CRMP1: variants seen among roughly 807,000 people sequenced by gnomAD.
The protein encoded by CRMP1 is dihydropyrimidinase-related protein 1.
Under a neutral mutation model 68.3 loss-of-function variants are expected in CRMP1, and 19 were observed. The observed-to-expected ratio is 0.28, with a 90% CI of 0.19 to 0.41. The LOEUF (loss-of-function observed/expected upper bound fraction) is 0.41. Ranked by LOEUF, CRMP1 falls within the 10% of genes least tolerant of loss-of-function variation. The pLI is 1.00. For missense variants in CRMP1, 791 were observed against 967.4 expected (o/e 0.82, Z 2.42); for synonymous variants, 439 against 399.6 (o/e 1.10, Z -1.18).
In CRMP1 at chr4:5,877,355, A is replaced by G. The variant is rs73065512; in HGVS notation, c.382-10599T>C. 6.5e-4 allele frequency among the ~76,000 whole-genome samples: 99 copies of G among 152,340 alleles called. No homozygotes were observed. The highest frequency in any genetic ancestry group is 2.0e-3 in the African/African-American group (82 of 41,574). On this transcript the variant is annotated intron_variant, in intron 1 of 13. Transcript: ENST00000324989. This position sits in a 1 kb window ranked among gnomAD's most constrained non-coding sequence, Gnocchi z 4.3. ...TGCTGGGAGCCACAGGGGTTGCTGC[A>G]TAAGAGGTTTTATAGCTCAAATACG... is the stretch of plus-strand genomic sequence containing the variant.
intron 10 of CRMP1, 142 bp downstream of exon 10, chr4:5,836,623 C>T (rs916343804): frequency 1.7e-6 from 2 of 1,175,166 alleles, no homozygotes; most frequent in African/African-American, 3.0e-5. Flanking sequence ...GTTATGCGTT[C>T]CCTCCTGCGC....
At chr4:5,864,761 C>G (rs561400534) in intron 2 of CRMP1, among the ~76,000 whole-genome samples, 2 of 152,098 alleles carry the variant, frequency 1.3e-5, no homozygotes, top group East Asian at 3.9e-4. Flanking sequence ...GAGGGGAAGG[C>G]AGAGGGACAG....
At chr4:5,822,571 C>T (rs1718828595) in intron 13 of CRMP1, among the ~76,000 whole-genome samples, 1 of 151,978 alleles carries the variant, frequency 6.6e-6, no homozygotes, top group South Asian at 2.1e-4. Context: ...TACCTATTCT[C>T]TTGCATAAAG....
Position 5,890,098 on chromosome 4 carries a change from T to C in CRMP1, c.381+2491A>G, listed in dbSNP as rs1424889900. On this transcript the variant is annotated intron_variant, in intron 1 of 13. Coordinates refer to ENST00000324989, the MANE Select transcript of CRMP1 (RefSeq NM_001014809.3). The surrounding 1 kb of genome is among the most constrained non-coding windows in gnomAD (Gnocchi z 5.5). ...CTCTCAGCGGGGCCTAAAATCCCTG[T>C]CAATGACCGGAAATTGCAGATGGGG... 1.1e-5 allele frequency: 3 copies of C among 266,204 alleles called. No homozygotes were observed. In the East Asian group the frequency reaches 3.2e-4, roughly 28 times the overall value. 16.5% of individuals were successfully genotyped at this position (266,204 alleles called of 1,614,324 possible). A position where few individuals can be genotyped will look rare whatever the true frequency, so the allele number is the denominator to read the frequency against.
chr4:5,891,414 C>A lies in CRMP1; in HGVS notation c.381+1175G>T, dbSNP rs1305589483. ...GCTTCCCTCCAGGCTCACTTTGGGT[C>A]ACTCATAGCATTTAAGAGGGGAAGG... On this transcript the variant is annotated intron_variant, in intron 1 of 13. Coordinates refer to ENST00000324989, the MANE Select transcript of CRMP1 (RefSeq NM_001014809.3). The surrounding 1 kb of genome is among the most constrained non-coding windows in gnomAD (Gnocchi z 5.2). 2.0e-5 allele frequency among the ~76,000 whole-genome samples: 3 copies of A among 152,192 alleles called. No individual in the cohort carries two copies. The highest frequency in any genetic ancestry group is 7.2e-5 in the African/African-American group (3 of 41,452).
rs1410582993 is a variant in CRMP1, at chr4:5,828,620, G to A, written c.1672C>T (p.Leu558=). ...FEGMECHGSP[L]VVISQGKIVF... ...ATCTTGCCCTGGCTGATGACCACTA[G>A]TGGGGAGCCGTGGCACTCCATACCC... is the stretch of plus-strand genomic sequence containing the variant. The change falls in exon 12 of 14, where the codon CTA becomes TTA. Residue 558 remains leucine (L), a synonymous_variant. Coordinates refer to ENST00000324989, the MANE Select transcript of CRMP1 (RefSeq NM_001014809.3). The A allele has an allele frequency of 3.1e-6, 5 of 1,614,228 alleles. No homozygotes were observed. The highest frequency in any genetic ancestry group is 3.3e-5 in the Admixed American group (2 of 60,030).
intron 1 of CRMP1, chr4:5,887,553 C>T: frequency 1.0e-6 from 1 of 985,178 alleles, no homozygotes; most frequent in Non-Finnish European, 1.2e-6. Context: ...CACCCAGGGA[C>T]GCAGCCCGGC....
intron 11 of CRMP1, among the ~76,000 whole-genome samples, chr4:5,831,809 C>T (rs78576712): frequency 0.046 from 7,034 of 152,256 alleles, 277 homozygotes; most frequent in African/African-American, 0.11. Context: ...AACATACAAA[C>T]AATGTAAAAA....
chr4:5,887,819 G>A (rs1311502076), intron 1 of CRMP1: 2 of 994,794 alleles, frequency 2.0e-6, no homozygotes, highest in East Asian at 1.1e-4. Flanking sequence ...TGCATGGGCC[G>A]GACGGTGCGG....
intron 12 of CRMP1, chr4:5,826,071 C>CA (rs1323371220): frequency 9.1e-5 from 24 of 262,738 alleles, no homozygotes; most frequent in Middle Eastern, 2.5e-3. Flanking sequence ...TATACACATG[C>CA]ATACATGCCC....
At chr4:5,837,650 T>TAAAATAAAATA (rs1553903977) in intron 9 of CRMP1, among the ~76,000 whole-genome samples, 2 of 134,822 alleles carry the variant, frequency 1.5e-5, no homozygotes, top group Non-Finnish European at 3.1e-5. Flanking sequence ...TAAAATAAAA[T>TAAAATAAAATA]AATAAAATAA....
chr4:5,855,011 A>G lies in CRMP1; in HGVS notation c.820+1132T>C, dbSNP rs1423566929. ...ATGCCCAATAAAAAGAAAATAGCTA[A>G]GCAAATTAACCATTATATTATACAT... is the stretch of plus-strand genomic sequence containing the variant. On this transcript the variant is annotated intron_variant, in intron 4 of 13. Coordinates refer to ENST00000324989, the MANE Select transcript of CRMP1 (RefSeq NM_001014809.3). The surrounding 1 kb of genome is among the most constrained non-coding windows in gnomAD (Gnocchi z 4.9). 6.6e-6 allele frequency among the ~76,000 whole-genome samples: 1 copy of G among 152,250 alleles called. No individual in the cohort carries two copies. The highest frequency in any genetic ancestry group is 1.5e-5 in the Non-Finnish European group (1 of 68,044).
rs1488573125 is a variant in CRMP1, at chr4:5,841,165, C to A, written c.1153+143G>T. 2 of 1,238,882 alleles carry A rather than the reference C, an allele frequency of 1.6e-6. No homozygotes were observed. Among genetic ancestry groups the A allele is most frequent in the East Asian group, 4.7e-5 (2 of 42,894 alleles). The allele number at this position is 1,238,882 out of a possible 1,614,324, so 76.7% of individuals were successfully genotyped here. On this transcript the variant is annotated intron_variant, in intron 8 of 13. Transcript: ENST00000324989. This position sits in a 1 kb window ranked among gnomAD's most constrained non-coding sequence, Gnocchi z 6.9. ...ATTGGGACCAAAGAATTCCAGCCACCATCCTTGTGTCAGGAGCATCCCCGC... is the reference window on the plus strand; with the variant it reads ...ATTGGGACCAAAGAATTCCAGCCACAATCCTTGTGTCAGGAGCATCCCCGC...
At chr4:5,848,906 G>T (rs1457143431) in intron 6 of CRMP1, among the ~76,000 whole-genome samples, 1 of 152,060 alleles carries the variant, frequency 6.6e-6, no homozygotes, top group East Asian at 1.9e-4. Flanking sequence ...CCTCCCTAAG[G>T]CCTCACCTCC....
At chr4:5,827,905 G>T in intron 12 of CRMP1, 1 of 457,532 alleles carries the variant, frequency 2.2e-6, no homozygotes, top group Non-Finnish European at 2.9e-6. Flanking sequence ...TCTAAAGTTA[G>T]GAATAGAGCC....
chr4:5,849,614 T>C, intron 5 of CRMP1, 142 bp from the exon 6 acceptor site: 1 of 610,148 alleles, frequency 1.6e-6, no homozygotes, highest in Non-Finnish European at 2.9e-6. Context: ...GTGGATGGAA[T>C]ACGCTGCTAC....
chr4:5,857,810 G>C (rs1027462428), intron 3 of CRMP1, among the ~76,000 whole-genome samples: 3 of 152,018 alleles, frequency 2.0e-5, no homozygotes, highest in Admixed American at 1.3e-4. Context: ...AAGGGCCTCC[G>C]AGACCCAACA....
chr4:5,836,055 C>G lies in CRMP1; in HGVS notation c.1483G>C (p.Val495Leu), dbSNP rs1720702908. The G allele has an allele frequency of 6.4e-7, 1 of 1,551,840 alleles. No individual in the cohort carries two copies. The highest frequency in any genetic ancestry group is 1.4e-5 in the African/African-American group (1 of 71,954). ...GCTGCATTGGTGCTGGTGACAGCGA[C>G]AAACTGGTTCTCATCCATTTTGCCA... ...ATGKMDENQF[V>L]AVTSTNAAKI... is the part of the protein sequence containing the mutation. Residue 495 changes from valine (V) to leucine (L), a missense_variant, in exon 11 of 14, where the codon GTC becomes CTC. Transcript: ENST00000324989.
At chr4:5,862,965 G>A (rs955530212) in intron 2 of CRMP1, among the ~76,000 whole-genome samples, 3 of 152,112 alleles carry the variant, frequency 2.0e-5, no homozygotes. Flanking sequence ...GCACCACCAT[G>A]CCCAGGTAAT....
Sources: allele counts gnomAD v4.1 joint callset (sites outside exome capture counted in the v4.1 genomes callset), GRCh38; gene constraint gnomAD v4.1.1; non-coding constraint Gnocchi (gnomAD v3.1); transcripts MANE v1.5; gene names NCBI Gene and HGNC (gene_info 2026-07-23, HGNC 2026-07-21).